CSMD1: variants seen among roughly 807,000 people sequenced by gnomAD.
CSMD1 encodes the protein CUB and Sushi multiple domains 1.
CSMD1 carries 213 observed loss-of-function variants against 417.5 expected under a neutral mutation model. The ratio of observed to expected loss-of-function variants is 0.51; its 90% CI spans 0.46 to 0.57. The LOEUF is 0.57. CSMD1 is among the 20% of genes least tolerant of loss of function. The pLI is 0.00. For missense variants in CSMD1, 6,923 were observed against 4,529.7 expected (o/e 1.53, Z -15.17); for synonymous variants, 2,862 against 1,736.8 (o/e 1.65, Z -16.11).
intron 3 of CSMD1, among the ~76,000 whole-genome samples, chr8:4,248,455 G>C (rs1430442197): frequency 6.6e-6 from 1 of 152,102 alleles, no homozygotes; most frequent in Non-Finnish European, 1.5e-5. Context: ...CTAATTAAAA[G>C]TAAAAAGGTC....
intron 5 of CSMD1, among the ~76,000 whole-genome samples, chr8:3,925,105 A>C (rs1809558034): frequency 6.6e-6 from 1 of 152,200 alleles, no homozygotes; most frequent in Non-Finnish European, 1.5e-5. Context: ...CTTTCTTACC[A>C]GTCAGTAAAG....
rs368361356 is a variant in CSMD1, at chr8:3,613,737, A to ACC, written c.1097+2971_1097+2972dup. On this transcript the variant is annotated intron_variant, in intron 8 of 69. Coordinates refer to ENST00000635120, the MANE Select transcript of CSMD1 (RefSeq NM_033225.6). ...CACACACACACACACACACACACACACCTCAAAAAATTACAAACAGAAGGA... is the reference window on the plus strand; with the variant it reads ...CACACACACACACACACACACACACACCCCTCAAAAAATTACAAACAGAAGGA... 7.9e-3 allele frequency among the ~76,000 whole-genome samples: 1,135 copies of ACC among 144,416 alleles called. 4 individuals carry two copies. The highest frequency in any genetic ancestry group is 0.014 in the Middle Eastern group (4 of 284). 94.7% of individuals were successfully genotyped at this position (144,416 alleles called of 152,430 possible). A position where few individuals can be genotyped will look rare whatever the true frequency, so the allele number is the denominator to read the frequency against.
At chr8:4,205,198 G>C (rs374517716) in intron 3 of CSMD1, among the ~76,000 whole-genome samples, 3 of 152,270 alleles carry the variant, frequency 2.0e-5, no homozygotes, top group South Asian at 2.1e-4. Context: ...TTAAATAATA[G>C]CATTGCACAT....
intron 7 of CSMD1, among the ~76,000 whole-genome samples, chr8:3,693,066 A>G (rs1800341579): frequency 6.6e-6 from 1 of 152,196 alleles, no homozygotes; most frequent in African/African-American, 2.4e-5. Context: ...AGTAATAATC[A>G]GGAATACATT....
chr8:4,692,686 T>C (rs1379450383), intron 1 of CSMD1, among the ~76,000 whole-genome samples: 2 of 152,156 alleles, frequency 1.3e-5, no homozygotes, highest in Non-Finnish European at 2.9e-5. Context: ...CACCATTTTA[T>C]AACTGAAAAG....
At chr8:3,287,486 G>A (rs953030716) in intron 25 of CSMD1, among the ~76,000 whole-genome samples, 2 of 152,034 alleles carry the variant, frequency 1.3e-5, no homozygotes, top group African/African-American at 4.8e-5. Flanking sequence ...CTTGAGCAGT[G>A]GTTTGTAGTT....
At chr8:3,118,783 G>C (rs1242992614) in intron 41 of CSMD1, among the ~76,000 whole-genome samples, 196 bp from the exon 42 acceptor site, 2 of 152,074 alleles carry the variant, frequency 1.3e-5, no homozygotes, top group Non-Finnish European at 2.9e-5. Context: ...ATAACCATAT[G>C]CATTTAATAA....
At chr8:4,632,530 G>A (rs769095360) in intron 2 of CSMD1, among the ~76,000 whole-genome samples, 66 of 152,038 alleles carry the variant, frequency 4.3e-4, no homozygotes, top group Non-Finnish European at 6.9e-4. Flanking sequence ...GGGGGAGCAG[G>A]GAAAAACTCA....
chr8:3,994,621 G>C (rs1392383972), intron 5 of CSMD1, among the ~76,000 whole-genome samples: 4 of 148,852 alleles, frequency 2.7e-5, no homozygotes, highest in African/African-American at 7.4e-5. Flanking sequence ...AATCCGACTA[G>C]TTAAAAAAAA....
At chr8:3,963,658 C>T (rs763021289) in intron 5 of CSMD1, among the ~76,000 whole-genome samples, 3 of 152,048 alleles carry the variant, frequency 2.0e-5, no homozygotes, top group East Asian at 1.9e-4. Flanking sequence ...AAGCTATGTG[C>T]GTATGATTTT....
chr8:4,150,178 C>T (rs974420557), intron 3 of CSMD1, among the ~76,000 whole-genome samples: 1 of 152,262 alleles, frequency 6.6e-6, no homozygotes, highest in Middle Eastern at 3.4e-3. Context: ...CAGGTATGTC[C>T]TGAGGCATCT....
At chr8:3,384,478 A>C (rs1006982592) in intron 18 of CSMD1, among the ~76,000 whole-genome samples, 1 of 151,362 alleles carries the variant, frequency 6.6e-6, no homozygotes, top group Non-Finnish European at 1.5e-5. Context: ...GTGTATTTCC[A>C]TACCAATTCC....
intron 1 of CSMD1, among the ~76,000 whole-genome samples, chr8:4,707,005 G>C (rs1466262094): frequency 1.3e-5 from 2 of 152,198 alleles, no homozygotes; most frequent in African/African-American, 2.4e-5. Flanking sequence ...CCTTTCTCTT[G>C]AAGTTTGGAC....
chr8:4,026,492 A>G (rs1797071970), intron 4 of CSMD1, among the ~76,000 whole-genome samples: 1 of 152,212 alleles, frequency 6.6e-6, no homozygotes, highest in African/African-American at 2.4e-5. Flanking sequence ...CCTCCAATTA[A>G]GAAGAAAACC....
chr8:3,756,908 G>C (rs767760693), intron 5 of CSMD1, among the ~76,000 whole-genome samples: 3 of 151,994 alleles, frequency 2.0e-5, no homozygotes, highest in Middle Eastern at 3.2e-3. Context: ...CCATCCGCTT[G>C]CCTCAACCTC....
At chr8:4,125,484 C>T (rs1195052279) in intron 3 of CSMD1, among the ~76,000 whole-genome samples, 1 of 152,180 alleles carries the variant, frequency 6.6e-6, no homozygotes, top group Non-Finnish European at 1.5e-5. Context: ...AGCTGCGCCC[C>T]GGCCGCACTG....
Position 4,633,540 on chromosome 8 carries a change from T to C in CSMD1, c.302+3802A>G, listed in dbSNP as rs187740968. On this transcript the variant is annotated intron_variant, in intron 2 of 69. Coordinates refer to ENST00000635120, the MANE Select transcript of CSMD1 (RefSeq NM_033225.6). ...CTGGGATTACAGGTAAGAGCCGCCA[T>C]GCCAGGCCTACTTCCTTTTTCTTTT... Among the ~76,000 whole-genome samples the C allele has an allele frequency of 2.3e-3, 345 of 151,830 alleles. 1 individual carries two copies. Among genetic ancestry groups the C allele is most frequent in the African/African-American group, 8.1e-3 (335 of 41,436 alleles).
chr8:3,200,990 A>G (rs1169947700), intron 32 of CSMD1, among the ~76,000 whole-genome samples: 1 of 152,208 alleles, frequency 6.6e-6, no homozygotes, highest in East Asian at 1.9e-4. Flanking sequence ...ATTGTGCTAT[A>G]TTAAACCGAC....
At chr8:4,692,482 A>C (rs1234416553) in intron 1 of CSMD1, among the ~76,000 whole-genome samples, 1 of 152,096 alleles carries the variant, frequency 6.6e-6, no homozygotes. Flanking sequence ...ATGGGAGTTG[A>C]AGGGGTTGAT....
Sources: allele counts gnomAD v4.1 joint callset (sites outside exome capture counted in the v4.1 genomes callset), GRCh38; gene constraint gnomAD v4.1.1; transcripts MANE v1.5; gene names NCBI Gene and HGNC (gene_info 2026-07-23, HGNC 2026-07-21).